The following TTC28 variants were observed in gnomAD, a reference collection of about 807,000 sequenced individuals.
TTC28 encodes tetratricopeptide repeat domain 28.
Under a neutral mutation model 198.0 loss-of-function variants are expected in TTC28, and 61 were observed. The ratio of observed to expected loss-of-function variants is 0.31; its 90% CI spans 0.25 to 0.38. The LOEUF (loss-of-function observed/expected upper bound fraction) is 0.38. Among genes scored for constraint, TTC28 ranks in the 10% least tolerant of loss-of-function variants. The pLI, the probability that TTC28 is intolerant of heterozygous loss-of-function variation, is 1.00. For synonymous variants in TTC28, 1,171 were observed against 1,297.8 expected, an observed-to-expected ratio of 0.90 and a Z score of 2.10; for missense variants, 2,678 against 3,164.0, an observed-to-expected ratio of 0.85 and a Z score of 3.69.
chr22:28,528,146 G>A (rs995884565), intron 2 of TTC28, among the ~76,000 whole-genome samples: 8 of 152,176 alleles, frequency 5.3e-5, no homozygotes, highest in African/African-American at 1.4e-4. Context: ...GAAAAGCACA[G>A]GAAATGAGAC....
intron 2 of TTC28, among the ~76,000 whole-genome samples, chr22:28,546,565 C>A (rs1249782239): frequency 6.6e-6 from 1 of 152,124 alleles, no homozygotes; most frequent in African/African-American, 2.4e-5. Flanking sequence ...CTATGGCAAA[C>A]AATACTGTAG....
At chr22:28,379,420 T>A (rs1457002432) in intron 2 of TTC28, among the ~76,000 whole-genome samples, 1 of 152,160 alleles carries the variant, frequency 6.6e-6, no homozygotes, top group Non-Finnish European at 1.5e-5. Context: ...GATATATACA[T>A]ATAATGGAAT....
chr22:28,211,546 T>A (rs943030663), intron 5 of TTC28, among the ~76,000 whole-genome samples: 2 of 152,144 alleles, frequency 1.3e-5, no homozygotes, highest in Non-Finnish European at 2.9e-5. Flanking sequence ...GGCCATTACA[T>A]ATTGCTAAAG....
chr22:28,165,409 T>C (rs1480927600), intron 5 of TTC28, among the ~76,000 whole-genome samples: 1 of 151,418 alleles, frequency 6.6e-6, no homozygotes, highest in East Asian at 1.9e-4. Context: ...AAGGAAAAAA[T>C]GTTAAGAGCA....
chr22:28,353,578 TACAAAAGA>T (rs777907104), intron 2 of TTC28, among the ~76,000 whole-genome samples: 170 of 152,212 alleles, frequency 1.1e-3, no homozygotes, highest in Middle Eastern at 3.4e-3. Context: ...TCAACAAGCG[TACAAAAGA>T]CCATTCAATG....
At chr22:28,593,473 G>GTAGGTAGC (rs1555898735) in intron 2 of TTC28, among the ~76,000 whole-genome samples, 2 of 52,356 alleles carry the variant, frequency 3.8e-5, no homozygotes, top group African/African-American at 1.7e-4. Flanking sequence ...AGGTAGCTAG[G>GTAGGTAGC]TAGGTAGGTA....
chr22:28,669,225 CGCACCAGCATG>C (rs1289707353), intron 1 of TTC28, among the ~76,000 whole-genome samples: 1 of 138,094 alleles, frequency 7.2e-6, no homozygotes, highest in Non-Finnish European at 1.5e-5. Context: ...GTGGGTGCAG[CGCACCAGCATG>C]GCACATGTAT....
chr22:28,640,866 G>A (rs537207496), intron 1 of TTC28, among the ~76,000 whole-genome samples: 2 of 152,094 alleles, frequency 1.3e-5, no homozygotes, highest in Non-Finnish European at 2.9e-5. Context: ...CTACTCTTAG[G>A]TATCTACCCA....
At chr22:28,398,011 G>T (rs1466837271) in intron 2 of TTC28, among the ~76,000 whole-genome samples, 2 of 152,160 alleles carry the variant, frequency 1.3e-5, no homozygotes, top group Admixed American at 6.5e-5. Flanking sequence ...GATCAGGCTG[G>T]ATCCCCCAAG....
At chr22:28,152,634 T>G (rs1250595357) in intron 6 of TTC28, among the ~76,000 whole-genome samples, 1 of 152,260 alleles carries the variant, frequency 6.6e-6, no homozygotes, top group East Asian at 1.9e-4. Context: ...ATGGATACAC[T>G]TCTATGTGAG....
intron 2 of TTC28, among the ~76,000 whole-genome samples, chr22:28,492,943 A>C (rs1239267677): frequency 6.6e-6 from 1 of 151,856 alleles, no homozygotes; most frequent in Non-Finnish European, 1.5e-5. Context: ...CATCAAAATG[A>C]CTCAGAAGTC....
intron 1 of TTC28, among the ~76,000 whole-genome samples, chr22:28,634,195 T>G (rs1310769941): frequency 6.6e-6 from 1 of 152,162 alleles, no homozygotes; most frequent in African/African-American, 2.4e-5. Flanking sequence ...CTGGATACTG[T>G]GTGGTTGTTA....
chr22:28,315,596 T>C (rs2045338795), intron 2 of TTC28, among the ~76,000 whole-genome samples: 1 of 152,216 alleles, frequency 6.6e-6, no homozygotes, highest in African/African-American at 2.4e-5. Flanking sequence ...TTTTTATTTA[T>C]ATGAATGTCC....
At chr22:28,523,542 A>G (rs2048948514) in intron 2 of TTC28, among the ~76,000 whole-genome samples, 2 of 152,184 alleles carry the variant, frequency 1.3e-5, no homozygotes, top group South Asian at 4.1e-4. Flanking sequence ...AGGGAGGTGG[A>G]GACGAGGAAA....
intron 2 of TTC28, among the ~76,000 whole-genome samples, chr22:28,367,035 CA>C: frequency 6.6e-6 from 1 of 151,878 alleles, no homozygotes; most frequent in East Asian, 1.9e-4. Flanking sequence ...ATCTCCCAGA[CA>C]AAAAAATCAA....
chr22:28,389,513 T>C (rs1229279867), intron 2 of TTC28, among the ~76,000 whole-genome samples: 2 of 148,402 alleles, frequency 1.3e-5, no homozygotes, highest in African/African-American at 5.0e-5. Context: ...ATTGCCACAA[T>C]TTCAGCTCCT....
rs139540815 is a variant in TTC28, at chr22:28,240,536, C to A, written c.933+55662G>T. Among the ~76,000 whole-genome samples the A allele has an allele frequency of 1.7e-3, 254 of 152,188 alleles. 4 individuals are homozygous for A. The highest frequency in any genetic ancestry group is 0.014 in the Admixed American group (208 of 15,300). Reference sequence around the variant, plus strand: ...ATATCTGTATACATCTATATACACACAAATACATGTATACATGTATAAATA... The same window carrying A: ...ATATCTGTATACATCTATATACACAAAAATACATGTATACATGTATAAATA... On this transcript the variant is annotated intron_variant, in intron 5 of 22. Transcript: ENST00000397906.
At chr22:28,411,747 T>C (rs1233799889) in intron 2 of TTC28, among the ~76,000 whole-genome samples, 1 of 152,184 alleles carries the variant, frequency 6.6e-6, no homozygotes, top group Non-Finnish European at 1.5e-5. Flanking sequence ...TACCTAGCAG[T>C]GTATAAGGAG....
At chr22:28,371,894 A>T (rs948369696) in intron 2 of TTC28, among the ~76,000 whole-genome samples, 11 of 121,476 alleles carry the variant, frequency 9.1e-5, no homozygotes, top group Admixed American at 7.7e-4. Context: ...AAAAAAAAAA[A>T]ATTTTTTTAA....
Sources: gnomAD v4.1 joint callset for allele counts (sites outside exome capture counted in the v4.1 genomes callset) on GRCh38, gnomAD v4.1.1 for gene constraint, MANE v1.5 for transcripts, NCBI Gene and HGNC (gene_info 2026-07-23, HGNC 2026-07-21) for gene names.